Variants in KREMEN2 observed in about 807,000 individuals in gnomAD.
KREMEN2 encodes kremen protein 2.
KREMEN2 carries 43 observed loss-of-function variants against 49.8 expected under a neutral mutation model. The observed-to-expected ratio is 0.86, with a 90% confidence interval of 0.68 to 1.11. The LOEUF is 1.11. KREMEN2 is among the 50% of genes most tolerant of loss of function. The probability of loss-of-function intolerance (pLI) is 0.00; values close to 1 mark genes in which losing one functional copy is unlikely to be tolerated. For synonymous variants in KREMEN2, 355 were observed against 304.9 expected, an observed-to-expected ratio of 1.16 and a Z score of -1.71; for missense variants, 686 against 665.7, an observed-to-expected ratio of 1.03 and a Z score of -0.34.
chr16:2,967,260 G>T lies in KREMEN2; in HGVS notation c.973+18G>T, dbSNP rs2071845308. On this transcript the variant is annotated intron_variant, in intron 6 of 8. Transcript: ENST00000303746. ...CTACCGCGGTGAGCCTCAGCTCGGC[G>T]CGCCCTGCCCGCTGTTCCCACCCCG... 3 of 1,352,246 alleles carry T rather than the reference G, an allele frequency of 2.2e-6. No homozygotes were observed. The East Asian group carries it at 9.3e-5, about 42-fold the overall frequency. The allele number at this position is 1,352,246 out of a possible 1,614,324, so 83.8% of individuals were successfully genotyped here.
In KREMEN2 at chr16:2,967,605, G is replaced by A. The variant is rs2071858944; in HGVS notation, c.1178+1G>A. The stretch of plus-strand genomic sequence containing the variant: ...GGCTGCTGCGTCCGCTGCGCCGACG[G>A]TGCGGGGCGCTGGGGCAGGGCCTGA... On this transcript the variant is annotated splice_donor_variant, in intron 8 of 8. Transcript: ENST00000303746. LOFTEE classifies it high-confidence loss of function. The A allele has an allele frequency of 6.5e-7, 1 of 1,528,694 alleles. No homozygotes were observed. The highest frequency in any genetic ancestry group is 1.4e-5 in the African/African-American group (1 of 72,678). The allele number at this position is 1,528,694 out of a possible 1,614,324, so 94.7% of individuals were successfully genotyped here.
At position 2,967,034 on chromosome 16, in the gene KREMEN2, G is replaced by A. The variant is rs1202912832; in HGVS notation, c.765G>A (p.Ala255=). Residue 255 remains alanine, a synonymous_variant, in exon 6 of 9, where the codon GCG becomes GCA. Transcript: ENST00000303746. ...GGGCCCTGGGCCCGCCAGGCGCCGC[G>A]CTGGAGCTCACCTTCCGCCTCTTCG... is the stretch of plus-strand genomic sequence containing the variant. The part of the protein sequence containing the change: ...CSWALGPPGA[A]LELTFRLFEL... The A allele has an allele frequency of 2.6e-6, 4 of 1,543,296 alleles. No individual in the cohort carries two copies. Among genetic ancestry groups the A allele is most frequent in the Non-Finnish European group, 3.5e-6 (4 of 1,145,478 alleles).
chr16:2,967,748 A>G (rs1292452921), intron 8 of KREMEN2, 62 bp from the exon 9 acceptor site: 2 of 1,544,036 alleles, frequency 1.3e-6, no homozygotes. Context: ...GCGGGATCGC[A>G]GGTAGAGCAG....
chr16:2,968,285 G>A lies in KREMEN2; in HGVS notation c.*265G>A. On this transcript the variant is annotated 3_prime_UTR_variant, in exon 9 of 9. Coordinates refer to ENST00000303746, the MANE Select transcript of KREMEN2 (RefSeq NM_172229.3). ...TCGGAGGTCTTTGAACCCCTCTGGG[G>A]GTGGTCCTGGACTGCCGTCCTCAGT... 1.5e-6 allele frequency: 2 copies of A among 1,353,262 alleles called. No individual in the cohort carries two copies. Among genetic ancestry groups the A allele is most frequent in the Non-Finnish European group, 2.0e-6 (2 of 982,604 alleles). The allele number at this position is 1,353,262 out of a possible 1,614,324, so 83.8% of individuals were successfully genotyped here.
Position 2,967,967 on chromosome 16 carries a change from C to A in KREMEN2, c.1336C>A (p.Pro446Thr). The change falls in exon 9 of 9, where the codon CCT becomes ACT. Residue 446 changes from proline to threonine, a missense_variant. Coordinates refer to ENST00000303746, the MANE Select transcript of KREMEN2 (RefSeq NM_172229.3). ...TGAGGGTTCTGCCGCGGGCTACCGG[C>A]CTCTGAGTGCCTCCAGCCAGAGCTC... is the stretch of plus-strand genomic sequence containing the variant. ...QAEGSAAGYRPLSASSQSSLR... is the reference protein window; with the variant it reads ...QAEGSAAGYRTLSASSQSSLR... 1 of 1,585,204 alleles carries A rather than the reference C, an allele frequency of 6.3e-7. No individual in the cohort carries two copies.
In KREMEN2 at chr16:2,966,628, G is replaced by C; in HGVS notation, c.487-14G>C. ...CCAGCCCCTGCCCTGGGGTCACCCA[G>C]TCTGTGCTCCCAGCTGGCGGGCGTG... On this transcript the variant is annotated splice_polypyrimidine_tract_variant and intron_variant, in intron 4 of 8. Coordinates refer to ENST00000303746, the MANE Select transcript of KREMEN2 (RefSeq NM_172229.3). This position sits in a 1 kb window ranked among gnomAD's most constrained non-coding sequence, Gnocchi z 8.4. 4.4e-6 allele frequency: 7 copies of C among 1,607,484 alleles called. No individual in the cohort carries two copies. The highest frequency in any genetic ancestry group is 5.9e-6 in the Non-Finnish European group (7 of 1,179,646).
Position 2,966,768 on chromosome 16 carries a change from G to T in KREMEN2, c.613G>T (p.Gly205Cys), listed in dbSNP as rs747265269. Residue 205 changes from glycine to cysteine, a missense_variant, in exon 5 of 9, where the codon GGC becomes TGC. Coordinates refer to ENST00000303746, the MANE Select transcript of KREMEN2 (RefSeq NM_172229.3). The surrounding 1 kb of genome is among the most constrained non-coding windows in gnomAD (Gnocchi z 8.4). ...CGGCCACCCTGGACAGCTGTGTGGC[G>T]GCGATGGGCGGCTGGGCGTCTATGA... Reference protein sequence around the residue: ...CFGHPGQLCGGDGRLGVYEVS... With the variant: ...CFGHPGQLCGCDGRLGVYEVS... The T allele has an allele frequency of 1.2e-6, 2 of 1,611,594 alleles. No homozygotes were observed. Among genetic ancestry groups the T allele is most frequent in the South Asian group, 2.2e-5 (2 of 91,024 alleles).
chr16:2,964,791 G>C, intron 1 of KREMEN2, 68 bp from the exon 2 acceptor site: 1 of 1,558,428 alleles, frequency 6.4e-7, no homozygotes, highest in South Asian at 1.2e-5. Flanking sequence ...CAGGCGGGAG[G>C]TGGCGTAGGG....
chr16:2,967,997 C>G lies in KREMEN2; in HGVS notation c.1366C>G (p.Arg456Gly), dbSNP rs369237826. ...PLSASSQSSLRSLISAL is the reference protein window; with the variant it reads ...PLSASSQSSLGSLISAL ...GAGTGCCTCCAGCCAGAGCTCCCTG[C>G]GCTCGCTCATCTCCGCTCTCTGACT... Residue 456 changes from arginine to glycine, a missense_variant, in exon 9 of 9, where the codon CGC becomes GGC. Arg to Gly is a moderately radical substitution (Grantham distance 125). Transcript: ENST00000303746. The G allele has an allele frequency of 7.0e-6, 11 of 1,570,952 alleles. No homozygotes were observed. The highest frequency in any genetic ancestry group is 9.4e-6 in the Non-Finnish European group (11 of 1,164,552).
intron 1 of KREMEN2, 96 bp downstream of exon 1, chr16:2,964,710 C>A: frequency 1.4e-6 from 2 of 1,386,784 alleles, no homozygotes; most frequent in Non-Finnish European, 2.0e-6. Flanking sequence ...GGGGACAGAG[C>A]AGGTGGCCGG....
chr16:2,967,671 C>G, intron 8 of KREMEN2, 67 bp downstream of exon 8: 1 of 1,542,924 alleles, frequency 6.5e-7, no homozygotes, highest in Non-Finnish European at 8.7e-7. Context: ...CAGAAGGGAA[C>G]AGAGCTAGGA....
chr16:2,966,688 G>C lies in KREMEN2; in HGVS notation c.533G>C (p.Ser178Thr), dbSNP rs1297938570. The C allele has an allele frequency of 6.2e-7, 1 of 1,611,454 alleles. No homozygotes were observed. Among genetic ancestry groups the C allele is most frequent in the East Asian group, 2.2e-5 (1 of 44,868 alleles). The change falls in exon 5 of 9, where the codon AGC becomes ACC. Residue 178 changes from serine to threonine, a missense_variant. Physicochemically the swap from Ser to Thr is moderately conservative, Grantham distance 58 (BLOSUM62 1). Transcript: ENST00000303746. The surrounding 1 kb of genome is among the most constrained non-coding windows in gnomAD (Gnocchi z 8.4). ...TACGCCTGCTTCTGTGGCTCTGAAA[G>C]CGACCTGGCCCGGGGACGCCTGGCC... Reference protein sequence around the residue: ...AGYACFCGSESDLARGRLAPA... With the variant: ...AGYACFCGSETDLARGRLAPA...
rs376430791 is a variant in KREMEN2, at chr16:2,966,209, C to G, written c.339C>G (p.Tyr113Ter). The G allele has an allele frequency of 6.2e-7, 1 of 1,613,024 alleles. No homozygotes were observed. Among genetic ancestry groups the G allele is most frequent in the African/African-American group, 1.3e-5 (1 of 74,912 alleles). The change falls in exon 3 of 9, where the codon TAC (tyrosine) becomes TAG (stop). Residue 113 changes from tyrosine (Y) to a stop codon, truncating the protein, a stop_gained. Transcript: ENST00000303746. LOFTEE classifies it high-confidence loss of function. This position sits in a 1 kb window ranked among gnomAD's most constrained non-coding sequence, Gnocchi z 8.4. ...AETEEGIYWR[Y>*]CDIPSCHMPG... ...CAGAGGAGGGCATCTACTGGCGCTA[C>G]TGCGACATCCCCTCCTGTCACAGTG...
intron 2 of KREMEN2, 22 bp downstream of exon 2, chr16:2,965,055 G>A (rs1174985657): frequency 1.3e-6 from 2 of 1,504,412 alleles, no homozygotes; most frequent in African/African-American, 1.4e-5. Flanking sequence ...GGCCTGCGCT[G>A]GGGGCGAGGC....
rs766711665 is a variant in KREMEN2 at position 2,967,902 on chromosome 16, G to A, written c.1271G>A (p.Arg424Gln). The change falls in exon 9 of 9, where the codon CGA becomes CAA. Residue 424 changes from arginine to glutamine, a missense_variant. By Grantham distance (43) the Arg-to-Gln change is conservative. Transcript: ENST00000303746. ...RSWAVWYQQP[R>Q]GVALPCSPGD... ...TGGGCTGTGTGGTACCAACAGCCCC[G>A]AGGGGTGGCCTTGCCCTGCTCCCCC... is the stretch of plus-strand genomic sequence containing the variant. 15 of 1,563,630 alleles carry A rather than the reference G, an allele frequency of 9.6e-6. No individual in the cohort carries two copies. The highest frequency in any genetic ancestry group is 1.8e-4 in the Middle Eastern group (1 of 5,686).
At position 2,968,181 on chromosome 16, in the gene KREMEN2, C is replaced by T. The variant is rs1366825444; in HGVS notation, c.*161C>T. The T allele has an allele frequency of 7.5e-6, 7 of 931,674 alleles. No individual in the cohort carries two copies. The highest frequency in any genetic ancestry group is 8.2e-6 in the Non-Finnish European group (5 of 607,886). The allele number at this position is 931,674 out of a possible 1,614,324, so 57.7% of individuals were successfully genotyped here. ...GACAGGAAACATCTGGTGCTATTATCTGGGACTTGGCCTGACCGTGGGGGT... is the reference window on the plus strand; with the variant it reads ...GACAGGAAACATCTGGTGCTATTATTTGGGACTTGGCCTGACCGTGGGGGT... On this transcript the variant is annotated 3_prime_UTR_variant, in exon 9 of 9. Transcript: ENST00000303746.
At chr16:2,965,147 C>A (rs950341085) in intron 2 of KREMEN2, 114 bp downstream of exon 2, 3 of 486,074 alleles carry the variant, frequency 6.2e-6, no homozygotes, top group Non-Finnish European at 9.0e-6. Context: ...GGCAGCCCAG[C>A]CTCCTGGAGA....
chr16:2,964,490 G>T lies in KREMEN2; in HGVS notation c.-31G>T. ...CCGGGGGCAGCCCGGGCCGTGTCCG[G>T]GCGAGGGTGACCTATCCTTGGTTGA... On this transcript the variant is annotated 5_prime_UTR_variant, in exon 1 of 9. Coordinates refer to ENST00000303746, the MANE Select transcript of KREMEN2 (RefSeq NM_172229.3). 1 of 1,507,754 alleles carries T rather than the reference G, an allele frequency of 6.6e-7. No individual in the cohort carries two copies. The highest frequency in any genetic ancestry group is 1.3e-5 in the South Asian group (1 of 76,674). 93.4% of individuals were successfully genotyped at this position (1,507,754 alleles called of 1,614,324 possible). A position where few individuals can be genotyped will look rare whatever the true frequency, so the allele number is the denominator to read the frequency against.
Position 2,964,570 on chromosome 16 carries a change from T to C in KREMEN2, c.50T>C (p.Leu17Pro), listed in dbSNP as rs766969794. 1.9e-6 allele frequency: 3 copies of C among 1,608,536 alleles called. No individual in the cohort carries two copies. The Admixed American group carries it at 5.0e-5, about 27-fold the overall frequency. ...QGFLFLLFLPLLQPRGASAGS... is the reference protein window; with the variant it reads ...QGFLFLLFLPPLQPRGASAGS... ...TTCCTCTTTCTCCTCTTCCTCCCGC[T>C]GCTGCAGCCGCGTGGGGCCTCGGCT... The change falls in exon 1 of 9, where the codon CTG (leucine) becomes CCG (proline). Residue 17 changes from leucine (L) to proline (P), a missense_variant. Leu to Pro is a moderately conservative substitution (Grantham distance 98). Coordinates refer to ENST00000303746, the MANE Select transcript of KREMEN2 (RefSeq NM_172229.3).
Sources: gnomAD v4.1 joint callset for allele counts on GRCh38, gnomAD v4.1.1 for gene constraint, Gnocchi (gnomAD v3.1) non-coding constraint, MANE v1.5 for transcripts, NCBI Gene and HGNC (gene_info 2026-07-23, HGNC 2026-07-21) for gene names.